Variants in DAPK1 observed in about 807,000 individuals in gnomAD.
The protein encoded by DAPK1 is death-associated protein kinase 1.
In DAPK1, 56 loss-of-function variants were observed where a neutral mutation model predicts 144.9. The ratio of observed to expected loss-of-function variants is 0.39; its 90% confidence interval spans 0.31 to 0.48. The LOEUF (loss-of-function observed/expected upper bound fraction) is 0.48. Ranked by LOEUF, DAPK1 falls within the 20% of genes least tolerant of loss-of-function variation. DAPK1 has a pLI of 0.95. For synonymous variants in DAPK1, 690 were observed against 749.0 expected (o/e 0.92, Z 1.29); for missense variants, 1,454 against 1,875.4 (o/e 0.78, Z 4.15).
rs112264335 is a variant in DAPK1 at position 87,706,614 on chromosome 9, C to T, written c.3543C>T (p.Ala1181=). ...VNGCKLANRG[A]ELLVLLVNHG... ...GCTGCAAGCTGGCCAACCGTGGGGCCGAGCTGCTGGTGCTGCTGGTCAACC... is the reference window on the plus strand; with the variant it reads ...GCTGCAAGCTGGCCAACCGTGGGGCTGAGCTGCTGGTGCTGCTGGTCAACC... Residue 1181 remains alanine, a synonymous_variant, in exon 26 of 26, where the codon GCC becomes GCT. Transcript: ENST00000408954. This position sits in a 1 kb window ranked among gnomAD's most constrained non-coding sequence, Gnocchi z 9.0. The T allele has an allele frequency of 1.0e-4, 163 of 1,613,312 alleles. 4 individuals are homozygous for T. The African/African-American group carries it at 1.5e-3, about 15-fold the overall frequency.
At chr9:87,552,304 C>G (rs555249313) in intron 2 of DAPK1, among the ~76,000 whole-genome samples, 5 of 129,714 alleles carry the variant, frequency 3.9e-5, no homozygotes, top group Admixed American at 3.8e-4. Flanking sequence ...AGTCCCAACC[C>G]CGCTGACCCC....
chr9:87,526,828 A>G (rs1825529450), intron 2 of DAPK1, among the ~76,000 whole-genome samples: 1 of 152,200 alleles, frequency 6.6e-6, no homozygotes, highest in Admixed American at 6.5e-5. Flanking sequence ...CTCTCTGGTG[A>G]ACAACATACC....
chr9:87,632,093 A>AATATAT (rs373422206), intron 3 of DAPK1: 1 of 560,256 alleles, frequency 1.8e-6, no homozygotes, highest in Non-Finnish European at 2.3e-6. Context: ...TATATGTAGA[A>AATATAT]ATATATATAT....
chr9:87,511,011 C>T (rs1337592346), intron 2 of DAPK1, among the ~76,000 whole-genome samples: 1 of 152,178 alleles, frequency 6.6e-6, no homozygotes, highest in Non-Finnish European at 1.5e-5. Flanking sequence ...GACAGTATAA[C>T]ATGCTTCTGA....
intron 3 of DAPK1, among the ~76,000 whole-genome samples, chr9:87,621,427 G>A (rs958954877): frequency 6.6e-6 from 1 of 152,184 alleles, no homozygotes; most frequent in African/African-American, 2.4e-5. Context: ...GCACCACCTA[G>A]TCCAGATTTC....
chr9:87,554,127 T>C (rs1826609822), intron 2 of DAPK1: 1 of 152,224 alleles, frequency 6.6e-6, no homozygotes, highest in African/African-American at 2.4e-5. Flanking sequence ...AGGTCAGCAA[T>C]CCTGTTCTAA....
At chr9:87,532,195 CT>C (rs1308599714) in intron 2 of DAPK1, among the ~76,000 whole-genome samples, 2 of 152,206 alleles carry the variant, frequency 1.3e-5, no homozygotes, top group African/African-American at 4.8e-5. Context: ...ATCTGGCCCA[CT>C]GTGTTTTTAT....
chr9:87,640,707 C>A, intron 8 of DAPK1, 95 bp from the exon 9 acceptor site: 1 of 1,336,178 alleles, frequency 7.5e-7, no homozygotes, highest in Non-Finnish European at 1.1e-6. Context: ...GCATTTTCCA[C>A]AGTATCTGCT....
rs923930631 is a variant in DAPK1, at chr9:87,700,210, G to A, written c.2844G>A (p.Leu948=). ...SKDMKVLRNH[L]QEIRSQIVSV... is the part of the protein sequence containing the mutation. The stretch of plus-strand genomic sequence containing the variant: ...ACATGAAGGTACTTCGAAATCATCT[G>A]CAAGAAATACGAAGCCAGATTGTTT... The change falls in exon 24 of 26, where the codon CTG becomes CTA. Residue 948 remains leucine (L), a synonymous_variant. Coordinates refer to ENST00000408954, the MANE Select transcript of DAPK1 (RefSeq NM_004938.4). 6 of 1,610,604 alleles carry A rather than the reference G, an allele frequency of 3.7e-6. No individual in the cohort carries two copies. The African/African-American group carries it at 8.0e-5, about 22-fold the overall frequency.
chr9:87,509,485 C>T (rs1027102099), intron 2 of DAPK1, among the ~76,000 whole-genome samples: 11 of 152,108 alleles, frequency 7.2e-5, no homozygotes, highest in Non-Finnish European at 1.0e-4. Flanking sequence ...CTCAGCCCCC[C>T]GAGTAGCTGG....
chr9:87,521,573 T>A (rs1288184233), intron 2 of DAPK1, among the ~76,000 whole-genome samples: 2 of 152,220 alleles, frequency 1.3e-5, no homozygotes, highest in Non-Finnish European at 2.9e-5. Context: ...TCAGCTGCCA[T>A]GTCCTGCCTT....
chr9:87,575,213 CAATAA>C (rs10522915), intron 2 of DAPK1, among the ~76,000 whole-genome samples: 7,243 of 130,996 alleles, frequency 0.055, 278 homozygotes, highest in African/African-American at 0.093. Context: ...GACTCCATCT[CAATAA>C]AATAAAATAA....
chr9:87,600,015 T>A (rs1828458441), intron 2 of DAPK1, among the ~76,000 whole-genome samples: 1 of 152,214 alleles, frequency 6.6e-6, no homozygotes, highest in Non-Finnish European at 1.5e-5. Flanking sequence ...ATATCACAGC[T>A]TTGTTGTGCT....
chr9:87,596,990 C>T (rs1281244445), intron 2 of DAPK1, among the ~76,000 whole-genome samples: 2 of 152,108 alleles, frequency 1.3e-5, no homozygotes, highest in Non-Finnish European at 2.9e-5. Context: ...GGCTCACGCA[C>T]GTGCCTGGCC....
intron 3 of DAPK1, among the ~76,000 whole-genome samples, chr9:87,619,250 G>C (rs567263440): frequency 2.6e-5 from 4 of 152,282 alleles, no homozygotes; most frequent in African/African-American, 9.6e-5. Flanking sequence ...GTCGATTATA[G>C]CACATACTGT....
At chr9:87,606,608 C>CCTCCCTCTCACTCTCCCTCCTTTT (rs1332227155) in intron 3 of DAPK1, among the ~76,000 whole-genome samples, 2 of 116,324 alleles carry the variant, frequency 1.7e-5, no homozygotes, top group Non-Finnish European at 3.6e-5. Flanking sequence ...TCCCTCCCTC[C>CCTCCCTCTCACTCTCCCTCCTTTT]CTCCCTCTCT....
intron 2 of DAPK1, 80 bp from the exon 3 acceptor site, chr9:87,604,874 C>A: frequency 7.8e-7 from 1 of 1,280,364 alleles, no homozygotes; most frequent in East Asian, 2.4e-5. Context: ...TCTCTTGTCC[C>A]CCTCTGCACC....
chr9:87,680,662 C>CAT lies in DAPK1; in HGVS notation c.2002-741_2002-740insTA, dbSNP rs1286243644. Among the ~76,000 whole-genome samples the CAT allele has an allele frequency of 8.6e-5, 13 of 151,916 alleles. No individual in the cohort carries two copies. The South Asian group carries it at 2.7e-3, about 32-fold the overall frequency. Reference sequence around the variant, plus strand: ...TCACACACACACACACGCGCACACACACACACACACATTGAAGGCTTCACA... The same window carrying CAT: ...TCACACACACACACACGCGCACACACATACACACACACATTGAAGGCTTCACA... On this transcript the variant is annotated intron_variant, in intron 19 of 25. Coordinates refer to ENST00000408954, the MANE Select transcript of DAPK1 (RefSeq NM_004938.4).
chr9:87,645,668 C>T (rs1161691027), intron 11 of DAPK1, among the ~76,000 whole-genome samples: 1 of 152,144 alleles, frequency 6.6e-6, no homozygotes, highest in East Asian at 1.9e-4. Context: ...GGCTATACTG[C>T]AGGTGATATT....
Sources: gnomAD v4.1 joint callset for allele counts (sites outside exome capture counted in the v4.1 genomes callset) on GRCh38, gnomAD v4.1.1 for gene constraint, Gnocchi (gnomAD v3.1) non-coding constraint, MANE v1.5 for transcripts, NCBI Gene and HGNC (gene_info 2026-07-23, HGNC 2026-07-21) for gene names.